Variants in TLL1 observed in about 807,000 individuals in gnomAD.
The protein encoded by TLL1 is tolloid like 1, also known as tolloid-like protein 1.
A neutral mutation model predicts 128.2 loss-of-function variants in TLL1; 49 were observed. The ratio of observed to expected loss-of-function variants is 0.38; its 90% confidence interval spans 0.30 to 0.48. TLL1 has a LOEUF of 0.48. TLL1 is among the 20% of genes least tolerant of loss of function. The probability of loss-of-function intolerance (pLI) is 0.96; values close to 1 mark genes in which losing one functional copy is unlikely to be tolerated. For synonymous variants in TLL1, 454 were observed against 418.8 expected (o/e 1.08, Z -1.03); for missense variants, 1,123 against 1,242.0 (o/e 0.90, Z 1.44).
chr4:165,963,076 AAAAAG>A (rs1253993258), intron 1 of TLL1, among the ~76,000 whole-genome samples: 1 of 150,282 alleles, frequency 6.7e-6, no homozygotes, highest in Non-Finnish European at 1.5e-5. Context: ...AAAAAAAAAA[AAAAAG>A]TGGTAGCTAA....
rs758020986 is a variant in TLL1 at position 166,099,425 on chromosome 4, A to G, written c.2805A>G (p.Thr935=). 1.2e-6 allele frequency: 2 copies of G among 1,613,584 alleles called. No homozygotes were observed. Among genetic ancestry groups the G allele is most frequent in the Non-Finnish European group, 8.5e-7 (1 of 1,179,676 alleles). ...CTCGACTTGAATTATCCTTCCAGAC[A>G]TTTGAAGTGGAGGAAGAAGCAGACT... ...RGSRLELSFQ[T]FEVEEEADCG... is the part of the protein sequence containing the mutation. Residue 935 remains threonine, a synonymous_variant, in exon 20 of 21, where the codon ACA becomes ACG. Coordinates refer to ENST00000061240, the MANE Select transcript of TLL1 (RefSeq NM_012464.5).
rs866748881 is a variant in TLL1 at position 165,973,663 on chromosome 4, C to T, written c.170-15718C>T. Among the ~76,000 whole-genome samples, 235 of 143,326 alleles carry T rather than the reference C, an allele frequency of 1.6e-3. 2 individuals carry two copies. In the Middle Eastern group the frequency reaches 0.022, roughly 14 times the overall value. 94.0% of individuals were successfully genotyped at this position (143,326 alleles called of 152,430 possible). A position where few individuals can be genotyped will look rare whatever the true frequency, so the allele number is the denominator to read the frequency against. On this transcript the variant is annotated intron_variant, in intron 1 of 20. Transcript: ENST00000061240. ...CTTAACAAGGGAGTAAGCATTAGTTCTTTTTTTTTTTTCTTTTTTGAGATG... is the reference window on the plus strand; with the variant it reads ...CTTAACAAGGGAGTAAGCATTAGTTTTTTTTTTTTTTTCTTTTTTGAGATG...
At chr4:166,056,043 A>G (rs1411367445) in intron 13 of TLL1, among the ~76,000 whole-genome samples, 1 of 152,152 alleles carries the variant, frequency 6.6e-6, no homozygotes, top group East Asian at 1.9e-4. Context: ...AAATATTGTC[A>G]TAATTTAAAG....
intron 17 of TLL1, among the ~76,000 whole-genome samples, chr4:166,076,589 TA>T (rs1741040142): frequency 6.6e-6 from 1 of 152,324 alleles, no homozygotes; most frequent in Admixed American, 6.5e-5. Flanking sequence ...GATCATCTTT[TA>T]CCTTCACTAC....
chr4:165,953,132 A>G (rs1172953026), intron 1 of TLL1, among the ~76,000 whole-genome samples: 2 of 152,180 alleles, frequency 1.3e-5, no homozygotes, highest in Admixed American at 6.6e-5. Context: ...ATTAGGTTTG[A>G]TATCATGATT....
At chr4:166,039,905 T>C (rs113719639) in intron 10 of TLL1, among the ~76,000 whole-genome samples, 2 of 152,196 alleles carry the variant, frequency 1.3e-5, no homozygotes, top group African/African-American at 2.4e-5. Context: ...GCATATTAAC[T>C]CTTATTATAT....
intron 12 of TLL1, among the ~76,000 whole-genome samples, chr4:166,047,439 C>G (rs1243323625): frequency 1.3e-5 from 2 of 150,668 alleles, no homozygotes; most frequent in African/African-American, 2.4e-5. Flanking sequence ...GCTGGGATTA[C>G]AGGTATGAGC....
chr4:165,914,760 A>C (rs1421137270), intron 1 of TLL1, among the ~76,000 whole-genome samples: 1 of 152,204 alleles, frequency 6.6e-6, no homozygotes, highest in East Asian at 1.9e-4. Context: ...ACTCTTTTAT[A>C]ATAGGCTGGA....
chr4:166,028,935 A>T (rs1190325179), intron 9 of TLL1, among the ~76,000 whole-genome samples: 2 of 151,854 alleles, frequency 1.3e-5, no homozygotes, highest in African/African-American at 2.4e-5. Context: ...GTCTTTAATT[A>T]TAGTGCTTAT....
In TLL1 at chr4:166,101,202, C is replaced by A; in HGVS notation, c.*326C>A. 3.0e-6 allele frequency: 1 copy of A among 330,840 alleles called. No individual in the cohort carries two copies. Among genetic ancestry groups the A allele is most frequent in the Non-Finnish European group, 5.7e-6 (1 of 174,944 alleles). 20.5% of individuals were successfully genotyped at this position (330,840 alleles called of 1,614,324 possible). ...AGACAGTTTAATTCAGGAACTGTGA[C>A]CCTGCAGTGTTCTTTTTGACAATTT... On this transcript the variant is annotated 3_prime_UTR_variant, in exon 21 of 21. Coordinates refer to ENST00000061240, the MANE Select transcript of TLL1 (RefSeq NM_012464.5).
chr4:165,873,634 C>G lies in TLL1; in HGVS notation c.-271C>G. On this transcript the variant is annotated 5_prime_UTR_variant, in exon 1 of 21. Coordinates refer to ENST00000061240, the MANE Select transcript of TLL1 (RefSeq NM_012464.5). The stretch of plus-strand genomic sequence containing the variant: ...GAGCCGAGTTTGCCTGCGCCCTCCC[C>G]GCCTCCGAGTGCAGAGTTCCTTACC... The G allele has an allele frequency of 3.2e-6, 1 of 310,598 alleles. No individual in the cohort carries two copies. 19.2% of individuals were successfully genotyped at this position (310,598 alleles called of 1,614,324 possible).
intron 1 of TLL1, among the ~76,000 whole-genome samples, chr4:165,986,016 CA>C (rs938798132): frequency 3.3e-5 from 5 of 149,352 alleles, no homozygotes; most frequent in Admixed American, 1.3e-4. Flanking sequence ...ACCATTTTCC[CA>C]TTTTTTTTTT....
chr4:166,001,662 G>C (rs986747522), intron 5 of TLL1, among the ~76,000 whole-genome samples: 93 of 152,046 alleles, frequency 6.1e-4, no homozygotes, highest in African/African-American at 2.2e-3. Context: ...AGCCAGGCAT[G>C]GTGGCAGGTG....
At position 165,899,858 on chromosome 4, in the gene TLL1, G is replaced by T. The variant is rs188361421; in HGVS notation, c.169+25785G>T. On this transcript the variant is annotated intron_variant, in intron 1 of 20. Transcript: ENST00000061240. Reference sequence around the variant, plus strand: ...CCACTGTCATTGTGTAGGAGTCTAAGTCTCTTTGTAGGTCTCTAAGAACTT... The same window carrying T: ...CCACTGTCATTGTGTAGGAGTCTAATTCTCTTTGTAGGTCTCTAAGAACTT... Among the ~76,000 whole-genome samples the T allele has an allele frequency of 6.6e-5, 10 of 152,232 alleles. No individual in the cohort carries two copies. In the East Asian group the frequency reaches 1.9e-3, roughly 29 times the overall value.
chr4:166,043,356 ATG>A lies in TLL1; in HGVS notation c.1468_1469del (p.Trp490GlufsTer6). On this transcript the variant is annotated frameshift_variant, in exon 12 of 21. Coordinates refer to ENST00000061240, the MANE Select transcript of TLL1 (RefSeq NM_012464.5). LOFTEE classifies it high-confidence loss of function. ...YPDDYRPMKE[C>X]VWKITVSESY... ...CTGATGACTATCGCCCGATGAAAGAATGTGTGTGGAAAATAACAGTGTCTGAG... is the reference window on the plus strand; with the variant it reads ...CTGATGACTATCGCCCGATGAAAGAATGTGTGGAAAATAACAGTGTCTGAG... 2 of 1,614,126 alleles carry A rather than the reference ATG, an allele frequency of 1.2e-6. No individual in the cohort carries two copies. Among genetic ancestry groups the A allele is most frequent in the Non-Finnish European group, 1.7e-6 (2 of 1,179,990 alleles).
chr4:165,959,789 T>C (rs1735004231), intron 1 of TLL1, among the ~76,000 whole-genome samples: 1 of 152,088 alleles, frequency 6.6e-6, no homozygotes, highest in African/African-American at 2.4e-5. Context: ...TTATTTGAAA[T>C]TAGTGAAAAC....
At chr4:166,076,468 G>A (rs1741033024) in intron 17 of TLL1, among the ~76,000 whole-genome samples, 1 of 152,136 alleles carries the variant, frequency 6.6e-6, no homozygotes, top group South Asian at 2.1e-4. Flanking sequence ...GTGGATCACA[G>A]GTAGCAAATT....
In TLL1 at chr4:165,958,603, G is replaced by T. The variant is rs1183488958; in HGVS notation, c.170-30778G>T. ...TTTGTTTGAGTTCATTGTAGATTCT[G>T]GATATTAGCCCTTTGTCAGATGAGT... On this transcript the variant is annotated intron_variant, in intron 1 of 20. Coordinates refer to ENST00000061240, the MANE Select transcript of TLL1 (RefSeq NM_012464.5). Among the ~76,000 whole-genome samples the T allele has an allele frequency of 2.6e-3, 379 of 145,834 alleles. 5 individuals carry two copies. Among genetic ancestry groups the T allele is most frequent in the African/African-American group, 9.3e-3 (354 of 37,960 alleles).
intron 6 of TLL1, among the ~76,000 whole-genome samples, chr4:166,006,417 T>G (rs1204443480): frequency 1.3e-5 from 2 of 151,854 alleles, no homozygotes; most frequent in African/African-American, 2.4e-5. Flanking sequence ...CATTAAAATG[T>G]ATTGCTGAAG....
Sources: gnomAD v4.1 joint callset for allele counts (sites outside exome capture counted in the v4.1 genomes callset) on GRCh38, gnomAD v4.1.1 for gene constraint, MANE v1.5 for transcripts, NCBI Gene and HGNC (gene_info 2026-07-23, HGNC 2026-07-21) for gene names.